The following TRAPPC9 variants were observed in gnomAD, a reference collection of about 807,000 sequenced individuals.
The protein encoded by TRAPPC9 is trafficking protein particle complex subunit 9.
TRAPPC9 carries 83 observed loss-of-function variants against 124.0 expected under a neutral mutation model. That is an observed-to-expected ratio of 0.67 (90% CI 0.56 to 0.80). TRAPPC9 has a LOEUF of 0.80. TRAPPC9 is among the 30% of genes least tolerant of loss of function. TRAPPC9 has a pLI of 0.00. For missense variants in TRAPPC9, 1,302 were observed against 1,508.3 expected, an observed-to-expected ratio of 0.86 and a Z score of 2.27; for synonymous variants, 638 against 617.5, an observed-to-expected ratio of 1.03 and a Z score of -0.49.
chr8:140,323,999 AG>A (rs2066670329), intron 9 of TRAPPC9, among the ~76,000 whole-genome samples: 1 of 152,152 alleles, frequency 6.6e-6, no homozygotes, highest in African/African-American at 2.4e-5. Flanking sequence ...CCATTACCCT[AG>A]CGATATACGC....
chr8:140,024,669 T>G (rs943422846), intron 17 of TRAPPC9, among the ~76,000 whole-genome samples: 4 of 152,012 alleles, frequency 2.6e-5, no homozygotes, highest in Non-Finnish European at 4.4e-5. Context: ...GGTGCTGGGA[T>G]GACAGGCGTG....
chr8:139,856,242 C>A (rs1827791051), intron 21 of TRAPPC9, among the ~76,000 whole-genome samples: 1 of 152,096 alleles, frequency 6.6e-6, no homozygotes, highest in Non-Finnish European at 1.5e-5. Flanking sequence ...CACACAGGCA[C>A]TGGAGGGGCT....
intron 17 of TRAPPC9, among the ~76,000 whole-genome samples, chr8:140,161,733 G>C (rs2061754759): frequency 6.6e-6 from 1 of 152,044 alleles, no homozygotes; most frequent in African/African-American, 2.4e-5. Flanking sequence ...GTTCATTCCA[G>C]CATATCACAG....
At chr8:140,149,547 G>C (rs1249699860) in intron 17 of TRAPPC9, among the ~76,000 whole-genome samples, 2 of 151,854 alleles carry the variant, frequency 1.3e-5, no homozygotes, top group African/African-American at 4.8e-5. Context: ...TTGAGCCCAG[G>C]AGGCGGAGGT....
At chr8:139,840,065 CAG>C (rs1272491060) in intron 21 of TRAPPC9, among the ~76,000 whole-genome samples, 15 of 152,260 alleles carry the variant, frequency 9.9e-5, no homozygotes, top group African/African-American at 3.6e-4. Context: ...TGGGCACCAC[CAG>C]AGAGTCTGTA....
chr8:140,239,165 C>G (rs1477092244), intron 16 of TRAPPC9, among the ~76,000 whole-genome samples: 4 of 152,176 alleles, frequency 2.6e-5, no homozygotes, highest in Non-Finnish European at 2.9e-5. Flanking sequence ...AGTGTGAGGG[C>G]ACGGAGGGAA....
At chr8:140,012,224 GGGCTCAGA>G (rs1839186595) in intron 18 of TRAPPC9, among the ~76,000 whole-genome samples, 2 of 152,186 alleles carry the variant, frequency 1.3e-5, no homozygotes, top group Admixed American at 1.3e-4. Flanking sequence ...AGGCAATGCG[GGGCTCAGA>G]GTATCTAAGA....
At chr8:140,308,608 C>A (rs577292648) in intron 10 of TRAPPC9, among the ~76,000 whole-genome samples, 7 of 152,274 alleles carry the variant, frequency 4.6e-5, no homozygotes, top group African/African-American at 1.7e-4. Context: ...CATGGCCAGG[C>A]ATAGTGGCTC....
At chr8:140,307,063 G>A (rs749239664) in intron 10 of TRAPPC9, among the ~76,000 whole-genome samples, 16 of 152,122 alleles carry the variant, frequency 1.1e-4, no homozygotes, top group African/African-American at 2.4e-4. Flanking sequence ...GCAGGGACTC[G>A]GTCCGATCTG....
At chr8:140,057,420 A>G (rs1842353677) in intron 17 of TRAPPC9, among the ~76,000 whole-genome samples, 1 of 152,256 alleles carries the variant, frequency 6.6e-6, no homozygotes, top group Non-Finnish European at 1.5e-5. Context: ...ACAATATCCA[A>G]GAGGTAGAAA....
intron 17 of TRAPPC9, among the ~76,000 whole-genome samples, chr8:140,024,677 G>A (rs532684901): frequency 3.3e-5 from 5 of 151,936 alleles, no homozygotes; most frequent in South Asian, 2.1e-4. Flanking sequence ...GATGACAGGC[G>A]TGTGGGATGA....
chr8:139,780,638 A>C (rs895468124), intron 21 of TRAPPC9, among the ~76,000 whole-genome samples: 2 of 152,214 alleles, frequency 1.3e-5, no homozygotes. Flanking sequence ...TTTACATACA[A>C]CACCAAAGGT....
At chr8:140,004,762 G>C (rs9324516) in intron 18 of TRAPPC9, among the ~76,000 whole-genome samples, 74,844 of 151,956 alleles carry the variant, frequency 0.49, 18,822 homozygotes, top group Middle Eastern at 0.66. Context: ...GCCATGACTA[G>C]AAATCAAGTG....
chr8:139,811,003 C>T (rs1456562147), intron 21 of TRAPPC9, among the ~76,000 whole-genome samples: 1 of 152,106 alleles, frequency 6.6e-6, no homozygotes, highest in African/African-American at 2.4e-5. Flanking sequence ...CACTTGAGGA[C>T]CACCTTTAAA....
chr8:140,185,731 T>A (rs1412808406), intron 17 of TRAPPC9, among the ~76,000 whole-genome samples: 3 of 152,180 alleles, frequency 2.0e-5, no homozygotes, highest in Non-Finnish European at 4.4e-5. Flanking sequence ...TGGTGCAGTG[T>A]CGCGGGCGCC....
intron 1 of TRAPPC9, among the ~76,000 whole-genome samples, chr8:140,455,294 G>C (rs1177072676): frequency 6.8e-6 from 1 of 148,144 alleles, no homozygotes; most frequent in Non-Finnish European, 1.5e-5. Flanking sequence ...CACCATGCTC[G>C]GCTAATTTTT....
At chr8:140,364,206 T>C (rs187895077) in intron 8 of TRAPPC9, among the ~76,000 whole-genome samples, 34 of 140,888 alleles carry the variant, frequency 2.4e-4, no homozygotes, top group African/African-American at 8.7e-4. Context: ...AAAAAGAAAA[T>C]GAAGACCACT....
chr8:140,392,616 G>A (rs144624481), intron 7 of TRAPPC9, among the ~76,000 whole-genome samples: 62 of 152,298 alleles, frequency 4.1e-4, no homozygotes, highest in South Asian at 1.7e-3. Flanking sequence ...ACACAGCGCC[G>A]AGTGCCTGGC....
At chr8:139,879,868 A>C (rs1332272002) in intron 21 of TRAPPC9, among the ~76,000 whole-genome samples, 1 of 152,222 alleles carries the variant, frequency 6.6e-6, no homozygotes. Context: ...TTCACAGAGA[A>C]CCAGAGCTCA....
Sources: allele counts gnomAD v4.1 joint callset (sites outside exome capture counted in the v4.1 genomes callset), GRCh38; gene constraint gnomAD v4.1.1; transcripts MANE v1.5; gene names NCBI Gene and HGNC (gene_info 2026-07-23, HGNC 2026-07-21).